DLG2: variants seen among roughly 807,000 people sequenced by gnomAD.
The protein encoded by DLG2 is discs large MAGUK scaffold protein 2.
DLG2 carries 45 observed loss-of-function variants against 132.5 expected under a neutral mutation model. The ratio of observed to expected loss-of-function variants is 0.34; its 90% CI spans 0.27 to 0.44. The LOEUF (loss-of-function observed/expected upper bound fraction) is 0.44. Among genes scored for constraint, DLG2 ranks in the 20% least tolerant of loss-of-function variants. The pLI is 1.00. For missense variants in DLG2, 1,045 were observed against 1,196.9 expected (o/e 0.87, Z 1.87); for synonymous variants, 424 against 419.6 (o/e 1.01, Z -0.13).
intron 6 of DLG2, among the ~76,000 whole-genome samples, chr11:84,777,717 C>T (rs186169854): frequency 1.1e-4 from 16 of 151,968 alleles, no homozygotes; most frequent in African/African-American, 2.7e-4. Context: ...TGATAAGTGA[C>T]GTTGAGCATT....
intron 10 of DLG2, among the ~76,000 whole-genome samples, chr11:84,081,324 G>A (rs2096899832): frequency 6.6e-6 from 1 of 151,840 alleles, no homozygotes; most frequent in Non-Finnish European, 1.5e-5. Flanking sequence ...GAATAATACT[G>A]ATATTGAGTG....
At chr11:84,567,159 A>T (rs571620638) in intron 6 of DLG2, among the ~76,000 whole-genome samples, 10 of 152,158 alleles carry the variant, frequency 6.6e-5, no homozygotes, top group Admixed American at 1.3e-4. Flanking sequence ...ACTTAGCCAC[A>T]CAAGCGTTAT....
chr11:83,559,105 G>C (rs1359592004), intron 19 of DLG2, among the ~76,000 whole-genome samples: 1 of 152,094 alleles, frequency 6.6e-6, no homozygotes, highest in Non-Finnish European at 1.5e-5. Flanking sequence ...AAGCCTAGAA[G>C]AATGAATACA....
intron 4 of DLG2, among the ~76,000 whole-genome samples, chr11:85,211,574 C>T (rs937154625): frequency 6.6e-5 from 10 of 152,024 alleles, no homozygotes; most frequent in African/African-American, 2.4e-4. Context: ...GAGTACCCTG[C>T]TCAAGATTAC....
chr11:83,604,700 A>G (rs934507468), intron 19 of DLG2, among the ~76,000 whole-genome samples: 5 of 152,080 alleles, frequency 3.3e-5, no homozygotes, highest in Non-Finnish European at 1.5e-5. Flanking sequence ...CACATGTGCC[A>G]CTCAGGTGTG....
At chr11:84,617,146 C>G (rs191086985) in intron 6 of DLG2, among the ~76,000 whole-genome samples, 2 of 151,990 alleles carry the variant, frequency 1.3e-5, no homozygotes, top group African/African-American at 4.8e-5. Context: ...CCCCCCACCC[C>G]TCAACAGGCC....
chr11:84,546,631 G>T, intron 6 of DLG2: 1 of 525,512 alleles, frequency 1.9e-6, no homozygotes, highest in South Asian at 1.5e-5. Flanking sequence ...ATGGCATTTA[G>T]GGCTGCATCC....
At chr11:83,926,385 G>A (rs1193030019) in intron 15 of DLG2, among the ~76,000 whole-genome samples, 1 of 152,072 alleles carries the variant, frequency 6.6e-6, no homozygotes, top group Non-Finnish European at 1.5e-5. Flanking sequence ...ATATCAATAT[G>A]GGCAAGTTTC....
At chr11:84,366,794 G>A (rs1460269038) in intron 7 of DLG2, among the ~76,000 whole-genome samples, 2 of 152,078 alleles carry the variant, frequency 1.3e-5, no homozygotes, top group Non-Finnish European at 2.9e-5. Context: ...CAATACAGGA[G>A]CACCCAGATT....
chr11:83,736,557 C>T (rs750962581), intron 18 of DLG2, among the ~76,000 whole-genome samples: 5 of 152,086 alleles, frequency 3.3e-5, no homozygotes, highest in Non-Finnish European at 7.4e-5. Flanking sequence ...TCTCAAAAGT[C>T]CTATTTTTCT....
At chr11:85,510,797 T>A (rs1276564603) in intron 3 of DLG2, among the ~76,000 whole-genome samples, 1 of 152,156 alleles carries the variant, frequency 6.6e-6, no homozygotes, top group African/African-American at 2.4e-5. Flanking sequence ...GTTCAACCAT[T>A]GTGGAAGTCA....
At chr11:83,784,581 A>T (rs916985541) in intron 18 of DLG2, among the ~76,000 whole-genome samples, 3 of 152,210 alleles carry the variant, frequency 2.0e-5, no homozygotes, top group Admixed American at 6.5e-5. Context: ...AATTTGTATG[A>T]TTTATAGGAC....
intron 6 of DLG2, among the ~76,000 whole-genome samples, chr11:84,877,697 A>T (rs2086607446): frequency 6.6e-6 from 1 of 151,972 alleles, no homozygotes; most frequent in South Asian, 2.1e-4. Flanking sequence ...GCCCGTTTAT[A>T]TTTAAAGTTA....
chr11:83,731,307 G>T (rs1342705811), intron 18 of DLG2, among the ~76,000 whole-genome samples: 1 of 152,078 alleles, frequency 6.6e-6, no homozygotes, highest in Non-Finnish European at 1.5e-5. Flanking sequence ...CCCCTGACTG[G>T]CCCTGGTGTG....
At chr11:83,467,377 A>T (rs2091226118) in intron 25 of DLG2, among the ~76,000 whole-genome samples, 1 of 152,056 alleles carries the variant, frequency 6.6e-6, no homozygotes, top group African/African-American at 2.4e-5. Context: ...AATAATGTGA[A>T]TTTTTCCAAG....
intron 8 of DLG2, among the ~76,000 whole-genome samples, chr11:84,186,390 G>A (rs2096276779): frequency 6.6e-6 from 1 of 151,854 alleles, no homozygotes; most frequent in Non-Finnish European, 1.5e-5. Context: ...TAAGAGAGCT[G>A]GAGCGGCTAT....
At chr11:83,926,018 A>G (rs1195762474) in intron 15 of DLG2, among the ~76,000 whole-genome samples, 3 of 152,204 alleles carry the variant, frequency 2.0e-5, no homozygotes. Context: ...GCAAGCATTA[A>G]GAAGTCAATT....
rs540245379 is a variant in DLG2, at chr11:85,099,354, A to G, written c.357+12307T>C. ...AAGCAGAACAAAAAGTCAGAACAGT[A>G]AGCAGATGCAAGCAAGTCATTGACA... On this transcript the variant is annotated intron_variant, in intron 6 of 27. Coordinates refer to ENST00000376104, the MANE Select transcript of DLG2 (RefSeq NM_001142699.3). Among the ~76,000 whole-genome samples, 216 of 152,356 alleles carry G rather than the reference A, an allele frequency of 1.4e-3. 2 individuals are homozygous for G. The highest frequency in any genetic ancestry group is 8.8e-5 in the Non-Finnish European group (6 of 68,036).
intron 4 of DLG2, among the ~76,000 whole-genome samples, chr11:85,191,206 G>T (rs1393010656): frequency 1.2e-5 from 1 of 82,254 alleles, no homozygotes; most frequent in Non-Finnish European, 2.7e-5. Flanking sequence ...ACACACACAC[G>T]TTTGGATATA....
Sources: gnomAD v4.1 joint callset for allele counts (sites outside exome capture counted in the v4.1 genomes callset) on GRCh38, gnomAD v4.1.1 for gene constraint, MANE v1.5 for transcripts, NCBI Gene and HGNC (gene_info 2026-07-23, HGNC 2026-07-21) for gene names.